Variants in SFXN5 observed in about 807,000 individuals in gnomAD.
The protein encoded by SFXN5 is sideroflexin-5.
In SFXN5, 43 loss-of-function variants were observed where a neutral mutation model predicts 50.2. The ratio of observed to expected loss-of-function variants is 0.86; its 90% CI spans 0.67 to 1.11. SFXN5 has a LOEUF of 1.11. SFXN5 is among the 50% of genes least tolerant of loss of function. The probability of loss-of-function intolerance (pLI) is 0.00; values close to 1 mark genes in which losing one functional copy is unlikely to be tolerated. For missense variants in SFXN5, 463 were observed against 454.1 expected (o/e 1.02, Z -0.18); for synonymous variants, 203 against 185.8 (o/e 1.09, Z -0.75).
intron 2 of SFXN5, among the ~76,000 whole-genome samples, chr2:73,055,975 C>T (rs1682059056): frequency 6.6e-6 from 1 of 151,994 alleles, no homozygotes; most frequent in Non-Finnish European, 1.5e-5. Context: ...CCAGTCTCTG[C>T]TAAAATACAA....
Position 73,036,798 on chromosome 2 carries a change from T to G in SFXN5, c.249+4056A>C, listed in dbSNP as rs1349827615. Among the ~76,000 whole-genome samples, 5 of 152,304 alleles carry G rather than the reference T, an allele frequency of 3.3e-5. No individual in the cohort carries two copies. The East Asian group carries it at 9.6e-4, about 29-fold the overall frequency. ...GAAGAACACGAAAAGGGCTGGGGACTGCTTCGGCCTGAGTAGGGTGGGGTA... is the reference window on the plus strand; with the variant it reads ...GAAGAACACGAAAAGGGCTGGGGACGGCTTCGGCCTGAGTAGGGTGGGGTA... On this transcript the variant is annotated intron_variant, in intron 3 of 13. Transcript: ENST00000272433.
intron 6 of SFXN5, among the ~76,000 whole-genome samples, chr2:73,016,476 G>T (rs746536342): frequency 2.0e-5 from 3 of 152,134 alleles, no homozygotes; most frequent in African/African-American, 7.2e-5. Context: ...AGGCTGAGGC[G>T]AGTGGATCAC....
intron 3 of SFXN5, among the ~76,000 whole-genome samples, chr2:73,027,116 G>A (rs1048591174): frequency 6.6e-6 from 1 of 152,096 alleles, no homozygotes; most frequent in African/African-American, 2.4e-5. Flanking sequence ...CCCTTCAGGG[G>A]GTATTCCAGA....
intron 10 of SFXN5, among the ~76,000 whole-genome samples, chr2:72,980,741 G>T (rs1671194812): frequency 6.6e-6 from 1 of 152,046 alleles, no homozygotes; most frequent in South Asian, 2.1e-4. Context: ...TTCTTCAATG[G>T]TTCCTCATCA....
At chr2:72,965,294 C>G (rs1017712184) in intron 12 of SFXN5, among the ~76,000 whole-genome samples, 4 of 152,324 alleles carry the variant, frequency 2.6e-5, no homozygotes, top group African/African-American at 9.6e-5. Flanking sequence ...GGCCACCAAG[C>G]AGCCCGACTC....
chr2:73,022,232 C>T (rs897097408), intron 5 of SFXN5, among the ~76,000 whole-genome samples: 3 of 152,142 alleles, frequency 2.0e-5, no homozygotes, highest in Non-Finnish European at 2.9e-5. Context: ...TCCTAGTGTG[C>T]GCTGAGTGAT....
rs184390135 is a variant in SFXN5 at position 73,031,951 on chromosome 2, G to A, written c.250-8737C>T. 2.4e-3 allele frequency among the ~76,000 whole-genome samples: 359 copies of A among 152,304 alleles called. 2 individuals are homozygous for A. The highest frequency in any genetic ancestry group is 8.1e-3 in the African/African-American group (338 of 41,566). On this transcript the variant is annotated intron_variant, in intron 3 of 13. Coordinates refer to ENST00000272433, the MANE Select transcript of SFXN5 (RefSeq NM_144579.3). ...CCTGTCCTACGGTGTATGAGGCCAC[G>A]CCCAGCTTAGAGGGAGAACAGGACA...
intron 2 of SFXN5, among the ~76,000 whole-genome samples, chr2:73,057,449 G>A (rs1019415596): frequency 2.6e-5 from 4 of 152,152 alleles, no homozygotes; most frequent in African/African-American, 9.7e-5. Context: ...CAAAAGCATT[G>A]TGTTAAGGTA....
chr2:73,008,479 C>T (rs1050713287), intron 6 of SFXN5, among the ~76,000 whole-genome samples: 1 of 152,148 alleles, frequency 6.6e-6, no homozygotes, highest in Non-Finnish European at 1.5e-5. Flanking sequence ...CCGAGGCATT[C>T]CGCAGCAGCC....
chr2:73,006,768 T>G (rs142516751), intron 6 of SFXN5, among the ~76,000 whole-genome samples: 2 of 152,244 alleles, frequency 1.3e-5, no homozygotes, highest in Admixed American at 6.5e-5. Context: ...TCCAAAATTC[T>G]GTACCATTAT....
intron 10 of SFXN5, among the ~76,000 whole-genome samples, chr2:72,981,572 C>A (rs1392965885): frequency 6.6e-6 from 1 of 152,192 alleles, no homozygotes; most frequent in African/African-American, 2.4e-5. Flanking sequence ...CCTCCTCCAT[C>A]CAAGGCATCA....
chr2:72,962,611 T>G (rs1261745013), intron 12 of SFXN5, among the ~76,000 whole-genome samples: 1 of 152,256 alleles, frequency 6.6e-6, no homozygotes, highest in African/African-American at 2.4e-5. Context: ...TGATAAACCC[T>G]GGCCCTGGAT....
intron 3 of SFXN5, among the ~76,000 whole-genome samples, chr2:73,026,402 A>T (rs546991136): frequency 1.3e-5 from 2 of 151,504 alleles, no homozygotes; most frequent in South Asian, 4.2e-4. Flanking sequence ...AACTGCTGGG[A>T]TTACACCTCG....
At chr2:73,022,870 C>G (rs185167802) in intron 4 of SFXN5, among the ~76,000 whole-genome samples, 1 of 152,212 alleles carries the variant, frequency 6.6e-6, no homozygotes, top group South Asian at 2.1e-4. Context: ...CCATGGGGAA[C>G]GGGATCGTGT....
At chr2:73,055,873 T>C (rs1377101491) in intron 2 of SFXN5, among the ~76,000 whole-genome samples, 1 of 152,196 alleles carries the variant, frequency 6.6e-6, no homozygotes, top group Non-Finnish European at 1.5e-5. Flanking sequence ...CGCCTTGGCC[T>C]CCCAAAGTGC....
At chr2:73,060,434 G>C (rs1682664806) in intron 1 of SFXN5, among the ~76,000 whole-genome samples, 2 of 152,026 alleles carry the variant, frequency 1.3e-5, no homozygotes. Context: ...AAATTAATTG[G>C]TTTTGTTCAT....
In SFXN5 at chr2:72,960,999, C is replaced by T; in HGVS notation, c.945+132G>A. On this transcript the variant is annotated intron_variant, in intron 13 of 13. Coordinates refer to ENST00000272433, the MANE Select transcript of SFXN5 (RefSeq NM_144579.3). This position sits in a 1 kb window ranked among gnomAD's most constrained non-coding sequence, Gnocchi z 6.1. ...CTCACTCTGAGGGCCAGAGCCTGGGCCAGCCTCATTCACGGTTCCAGCCCC... is the reference window on the plus strand; with the variant it reads ...CTCACTCTGAGGGCCAGAGCCTGGGTCAGCCTCATTCACGGTTCCAGCCCC... 1.7e-6 allele frequency: 1 copy of T among 573,620 alleles called. No homozygotes were observed. Among genetic ancestry groups the T allele is most frequent in the Non-Finnish European group, 2.8e-6 (1 of 355,256 alleles). The allele number at this position is 573,620 out of a possible 1,614,324, so 35.5% of individuals were successfully genotyped here.
chr2:73,015,784 T>C (rs1414179094), intron 6 of SFXN5, among the ~76,000 whole-genome samples: 1 of 152,138 alleles, frequency 6.6e-6, no homozygotes, highest in African/African-American at 2.4e-5. Context: ...TCTATTCAGA[T>C]TTTAAGGCCA....
At chr2:73,037,167 C>T (rs151149860) in intron 3 of SFXN5, among the ~76,000 whole-genome samples, 1 of 152,236 alleles carries the variant, frequency 6.6e-6, no homozygotes, top group East Asian at 1.9e-4. Context: ...CTGGACCACC[C>T]CCACCTGCTC....
Sources: allele counts gnomAD v4.1 joint callset (sites outside exome capture counted in the v4.1 genomes callset), GRCh38; gene constraint gnomAD v4.1.1; non-coding constraint Gnocchi (gnomAD v3.1); transcripts MANE v1.5; gene names NCBI Gene and HGNC (gene_info 2026-07-23, HGNC 2026-07-21).